Variants in ZNF804A observed in about 807,000 individuals in gnomAD.
ZNF804A encodes zinc finger protein 804A.
A neutral mutation model predicts 16.5 loss-of-function variants in ZNF804A; 2 were observed. That is an observed-to-expected ratio of 0.12 (90% CI 0.05 to 0.38). ZNF804A has a LOEUF of 0.38. Ranked by LOEUF, ZNF804A falls within the 10% of genes least tolerant of loss-of-function variation. ZNF804A has a pLI of 0.99. For missense variants in ZNF804A, 1,473 were observed against 1,390.7 expected, an observed-to-expected ratio of 1.06 and a Z score of -0.94; for synonymous variants, 534 against 489.6, an observed-to-expected ratio of 1.09 and a Z score of -1.20.
At chr2:184,713,388 A>C (rs1280488392) in intron 1 of ZNF804A, among the ~76,000 whole-genome samples, 1 of 151,940 alleles carries the variant, frequency 6.6e-6, no homozygotes, top group East Asian at 1.9e-4. Context: ...ATTTTCTGCA[A>C]CTAAAGCTTC....
intron 1 of ZNF804A, among the ~76,000 whole-genome samples, chr2:184,821,269 A>G (rs1449721098): frequency 6.6e-6 from 1 of 152,096 alleles, no homozygotes; most frequent in African/African-American, 2.4e-5. Flanking sequence ...GCACACCTAC[A>G]ACCGTCTGAG....
chr2:184,711,779 A>G (rs950602869), intron 1 of ZNF804A, among the ~76,000 whole-genome samples: 1 of 151,724 alleles, frequency 6.6e-6, no homozygotes, highest in African/African-American at 2.4e-5. Context: ...GTCAAAGATC[A>G]GTTGACCATA....
chr2:184,652,606 T>A (rs1692003886), intron 1 of ZNF804A, among the ~76,000 whole-genome samples: 1 of 152,142 alleles, frequency 6.6e-6, no homozygotes, highest in Non-Finnish European at 1.5e-5. Flanking sequence ...AAGAGAGCTC[T>A]TTGTTTTTCT....
At chr2:184,836,637 G>A (rs1480669191) in intron 1 of ZNF804A, among the ~76,000 whole-genome samples, 1 of 151,400 alleles carries the variant, frequency 6.6e-6, no homozygotes, top group African/African-American at 2.4e-5. Flanking sequence ...GATATTATAG[G>A]TAGATACATA....
intron 1 of ZNF804A, among the ~76,000 whole-genome samples, chr2:184,643,305 G>A (rs1691821527): frequency 6.6e-6 from 1 of 151,918 alleles, no homozygotes; most frequent in African/African-American, 2.4e-5. Flanking sequence ...TATGGCCTTG[G>A]TCAAGTCACG....
chr2:184,929,505 G>T (rs1685662356), intron 2 of ZNF804A, among the ~76,000 whole-genome samples: 1 of 151,968 alleles, frequency 6.6e-6, no homozygotes, highest in African/African-American at 2.4e-5. Context: ...GTGTGTGTAT[G>T]TGTGAGTATG....
At chr2:184,704,139 T>C (rs909083517) in intron 1 of ZNF804A, among the ~76,000 whole-genome samples, 4 of 145,984 alleles carry the variant, frequency 2.7e-5, no homozygotes, top group Non-Finnish European at 4.5e-5. Context: ...CACTTTCAGA[T>C]TGAGTTTCAG....
intron 1 of ZNF804A, among the ~76,000 whole-genome samples, chr2:184,821,879 T>A (rs939614692): frequency 3.5e-4 from 54 of 152,190 alleles, no homozygotes; most frequent in African/African-American, 1.3e-3. Context: ...CTCACACCAG[T>A]CACAATAGTG....
intron 1 of ZNF804A, among the ~76,000 whole-genome samples, chr2:184,825,966 G>A (rs1695160743): frequency 6.6e-6 from 1 of 152,000 alleles, no homozygotes. Flanking sequence ...CCATTTCCCA[G>A]AGTCAAGCGA....
At chr2:184,915,842 C>A (rs887095632) in intron 2 of ZNF804A, among the ~76,000 whole-genome samples, 6 of 152,122 alleles carry the variant, frequency 3.9e-5, no homozygotes, top group African/African-American at 1.4e-4. Flanking sequence ...AAATGATACA[C>A]ATTCATGGTA....
intron 1 of ZNF804A, among the ~76,000 whole-genome samples, chr2:184,609,808 T>C (rs1485945754): frequency 6.6e-6 from 1 of 152,250 alleles, no homozygotes; most frequent in Non-Finnish European, 1.5e-5. Context: ...TTTCAGCATA[T>C]GTATTTTGGG....
rs552508912 is a variant in ZNF804A at position 184,659,511 on chromosome 2, A to G, written c.111+60441A>G. 2.0e-5 allele frequency among the ~76,000 whole-genome samples: 3 copies of G among 152,122 alleles called. No individual in the cohort carries two copies. In the East Asian group the frequency reaches 5.8e-4, roughly 29 times the overall value. On this transcript the variant is annotated intron_variant, in intron 1 of 3. Coordinates refer to ENST00000302277, the MANE Select transcript of ZNF804A (RefSeq NM_194250.2). ...ATATACATATATAGAACATACATGTATATCACATATATATTTGAAACCTTA... is the reference window on the plus strand; with the variant it reads ...ATATACATATATAGAACATACATGTGTATCACATATATATTTGAAACCTTA...
chr2:184,791,961 T>C (rs541753775), intron 1 of ZNF804A, among the ~76,000 whole-genome samples: 4 of 152,200 alleles, frequency 2.6e-5, no homozygotes, highest in African/African-American at 7.2e-5. Context: ...TTAAAGAATA[T>C]GTATTTTAGG....
intron 2 of ZNF804A, among the ~76,000 whole-genome samples, chr2:184,880,767 C>A (rs1200245972): frequency 1.3e-5 from 2 of 151,976 alleles, no homozygotes; most frequent in East Asian, 3.9e-4. Context: ...GCTGTGTCAT[C>A]CCATGGTGGA....
chr2:184,711,412 T>C (rs1693123904), intron 1 of ZNF804A, among the ~76,000 whole-genome samples: 2 of 151,826 alleles, frequency 1.3e-5, no homozygotes, highest in Admixed American at 1.3e-4. Flanking sequence ...ATTGATCCTT[T>C]TTCAGATATA....
Position 184,892,548 on chromosome 2 carries a change from G to C in ZNF804A, c.255+26036G>C, listed in dbSNP as rs555170727. Among the ~76,000 whole-genome samples, 3 of 139,506 alleles carry C rather than the reference G, an allele frequency of 2.2e-5. No individual in the cohort carries two copies. The Admixed American group carries it at 2.5e-4, about 11-fold the overall frequency. The allele number at this position is 139,506 out of a possible 152,430, so 91.5% of individuals were successfully genotyped here. ...TGCCTAGGCTGGAGTGCAGTGGCTC[G>C]ATCTCGGCTTACTGCAACCTCCGCC... On this transcript the variant is annotated intron_variant, in intron 2 of 3. Transcript: ENST00000302277.
intron 2 of ZNF804A, among the ~76,000 whole-genome samples, chr2:184,895,018 T>C (rs1477617301): frequency 1.3e-5 from 2 of 152,174 alleles, no homozygotes; most frequent in Admixed American, 6.5e-5. Context: ...ACTGTATCTA[T>C]TTCCTTTGCC....
At chr2:184,829,444 T>A (rs191664157) in intron 1 of ZNF804A, among the ~76,000 whole-genome samples, 13 of 152,154 alleles carry the variant, frequency 8.5e-5, no homozygotes, top group Admixed American at 4.6e-4. Flanking sequence ...GCTATTTTTT[T>A]ATTCTTCAAG....
At chr2:184,800,425 A>G (rs570302737) in intron 1 of ZNF804A, among the ~76,000 whole-genome samples, 3 of 151,716 alleles carry the variant, frequency 2.0e-5, no homozygotes, top group African/African-American at 7.2e-5. Context: ...TATACATTCA[A>G]TACTATATAT....
Sources: allele counts gnomAD v4.1 joint callset (sites outside exome capture counted in the v4.1 genomes callset), GRCh38; gene constraint gnomAD v4.1.1; transcripts MANE v1.5; gene names NCBI Gene and HGNC (gene_info 2026-07-23, HGNC 2026-07-21).